NCAPD3: variants seen among roughly 807,000 people sequenced by gnomAD.
The protein encoded by NCAPD3 is condensin-2 complex subunit D3.
A neutral mutation model predicts 182.9 loss-of-function variants in NCAPD3; 105 were observed. The ratio of observed to expected loss-of-function variants is 0.57; its 90% CI spans 0.49 to 0.68. The LOEUF (loss-of-function observed/expected upper bound fraction) is 0.68, where lower values mean the gene tolerates loss of function less well. Ranked by LOEUF, NCAPD3 falls within the 30% of genes least tolerant of loss-of-function variation. The pLI is 0.00. For missense variants in NCAPD3, 1,944 were observed against 1,837.0 expected, an observed-to-expected ratio of 1.06 and a Z score of -1.07; for synonymous variants, 815 against 679.9, an observed-to-expected ratio of 1.20 and a Z score of -3.09.
At chr11:134,193,615 T>A (rs1944567224) in intron 15 of NCAPD3, among the ~76,000 whole-genome samples, 1 of 152,194 alleles carries the variant, frequency 6.6e-6, no homozygotes, top group Admixed American at 6.5e-5. Context: ...TAGCCAGGCA[T>A]GGCAGCACCT....
intron 16 of NCAPD3, 93 bp downstream of exon 16, chr11:134,192,596 A>C: frequency 8.4e-6 from 9 of 1,071,604 alleles, no homozygotes; most frequent in Middle Eastern, 5.3e-4. Flanking sequence ...TAATCTGGAA[A>C]GCTGATTTTT....
chr11:134,176,116 T>C (rs1944156514), intron 24 of NCAPD3, among the ~76,000 whole-genome samples, 191 bp downstream of exon 24: 2 of 152,168 alleles, frequency 1.3e-5, no homozygotes, highest in Admixed American at 1.3e-4. Flanking sequence ...ACCATTTTCT[T>C]TTAAACTTGT....
intron 1 of NCAPD3, chr11:134,223,353 T>C: frequency 1.4e-6 from 1 of 691,946 alleles, no homozygotes. Flanking sequence ...GTAGTGGGCA[T>C]GAAAGGGGAA....
At chr11:134,169,560 C>A (rs922056159) in intron 24 of NCAPD3, among the ~76,000 whole-genome samples, 6 of 152,186 alleles carry the variant, frequency 3.9e-5, no homozygotes, top group Non-Finnish European at 8.8e-5. Context: ...CAGTTTGGAT[C>A]AGGAGGACAA....
At chr11:134,179,027 T>A (rs1211992588) in intron 20 of NCAPD3, 91 bp from the exon 21 acceptor site, 1 of 812,160 alleles carries the variant, frequency 1.2e-6, no homozygotes, top group African/African-American at 1.7e-5. Flanking sequence ...GTATTTCCTT[T>A]ATCCCCCAAA....
rs1944593453 is a variant in NCAPD3, at chr11:134,194,822, T to C, written c.1616-84A>G. The C allele has an allele frequency of 4.9e-5, 42 of 850,478 alleles. No homozygotes were observed. The South Asian group carries it at 6.6e-4, about 13-fold the overall frequency. The allele number at this position is 850,478 out of a possible 1,614,324, so 52.7% of individuals were successfully genotyped here. On this transcript the variant is annotated intron_variant, in intron 13 of 34. Coordinates refer to ENST00000534548, the MANE Select transcript of NCAPD3 (RefSeq NM_015261.3). ...ATTTCACCACACAATACCCAGAAAATACACTCATCTTAAAGACTCATTAGC... is the reference window on the plus strand; with the variant it reads ...ATTTCACCACACAATACCCAGAAAACACACTCATCTTAAAGACTCATTAGC...
At chr11:134,183,218 A>T in intron 19 of NCAPD3, 1 of 454,758 alleles carries the variant, frequency 2.2e-6, no homozygotes, top group Middle Eastern at 3.3e-4. Flanking sequence ...TGCCGGTAGT[A>T]AGTTGTGTAC....
chr11:134,224,007 A>C, upstream of NCAPD3: 1 of 1,516,020 alleles, frequency 6.6e-7, no homozygotes, highest in Non-Finnish European at 9.0e-7. Context: ...GTTCCTGTGG[A>C]CCAATCACAA....
At chr11:134,161,746 GACA>G (rs761283764) in intron 28 of NCAPD3, 32 bp downstream of exon 28, 14 of 1,262,548 alleles carry the variant, frequency 1.1e-5, no homozygotes, top group African/African-American at 5.9e-5. Context: ...GAACTGGTAG[GACA>G]ACAACCACAA....
intron 15 of NCAPD3, among the ~76,000 whole-genome samples, chr11:134,193,336 T>C (rs1013949272): frequency 1.3e-5 from 2 of 152,242 alleles, no homozygotes; most frequent in Non-Finnish European, 2.9e-5. Context: ...AAATTAAATA[T>C]AGTACTTGTG....
Position 134,201,736 on chromosome 11 carries a change from G to A in NCAPD3, c.1615+1080C>T, listed in dbSNP as rs112023787. On this transcript the variant is annotated intron_variant, in intron 13 of 34. Coordinates refer to ENST00000534548, the MANE Select transcript of NCAPD3 (RefSeq NM_015261.3). ...ATTGCTTGAAAAAGTCTGTGCCACC[G>A]TAAATCCGTAACCTGTTTAGACGAA... Among the ~76,000 whole-genome samples the A allele has an allele frequency of 4.9e-3, 753 of 152,264 alleles. 1 individual carries two copies. The highest frequency in any genetic ancestry group is 5.9e-3 in the Non-Finnish European group (404 of 68,016).
chr11:134,195,235 G>A (rs912348806), intron 13 of NCAPD3, among the ~76,000 whole-genome samples: 1 of 151,680 alleles, frequency 6.6e-6, no homozygotes. Flanking sequence ...CAAGTAGCTA[G>A]GAATACAGGC....
chr11:134,203,359 G>A (rs764964590), intron 11 of NCAPD3, among the ~76,000 whole-genome samples, 161 bp from the exon 12 acceptor site: 11 of 152,248 alleles, frequency 7.2e-5, no homozygotes, highest in South Asian at 2.1e-4. Flanking sequence ...GCATTGAAAC[G>A]GAGATTCATC....
At chr11:134,224,138 A>G (rs1938358455), upstream of NCAPD3, 1 of 616,324 alleles carries the variant, frequency 1.6e-6, no homozygotes, top group Non-Finnish European at 2.9e-6. Context: ...GAAGCCAAAC[A>G]AGGCTCCTGC....
At chr11:134,208,841 A>C (rs759407838) in intron 7 of NCAPD3, 23 bp downstream of exon 7, 2 of 1,564,632 alleles carry the variant, frequency 1.3e-6, no homozygotes, top group African/African-American at 2.7e-5. Context: ...CTAGTAACCA[A>C]ATTAGGTTCT....
In NCAPD3 at chr11:134,177,378, G is replaced by A. The variant is rs140066669; in HGVS notation, c.2862C>T (p.Asp954=). The change falls in exon 23 of 35, where the codon GAC becomes GAT. Residue 954 remains aspartate, a synonymous_variant. Coordinates refer to ENST00000534548, the MANE Select transcript of NCAPD3 (RefSeq NM_015261.3). ...ALVRELEVCE[D]VAVRNNVIIV... ...TGATGACGTTGTTGCGGACAGCCAC[G>A]TCCTCACACACCTCGAGCTCTCGCA... The A allele has an allele frequency of 7.1e-5, 114 of 1,614,112 alleles. No homozygotes were observed. The highest frequency in any genetic ancestry group is 8.6e-5 in the Non-Finnish European group (101 of 1,180,056).
In NCAPD3 at chr11:134,159,139, C is replaced by T. The variant is rs12294320; in HGVS notation, c.3868-644G>A. On this transcript the variant is annotated intron_variant, in intron 29 of 34. Coordinates refer to ENST00000534548, the MANE Select transcript of NCAPD3 (RefSeq NM_015261.3). ...AATAAACATGGGAGTGCAGGTATGT[C>T]TTCGACATCCTGATTTCCTTTCTTT... 8.5e-3 allele frequency among the ~76,000 whole-genome samples: 1,298 copies of T among 152,310 alleles called. 4 individuals carry two copies. The highest frequency in any genetic ancestry group is 0.014 in the Non-Finnish European group (925 of 68,026).
At chr11:134,177,108 T>A in intron 23 of NCAPD3, 111 bp downstream of exon 23, 1 of 821,616 alleles carries the variant, frequency 1.2e-6, no homozygotes, top group Non-Finnish European at 2.0e-6. Flanking sequence ...GATGAGACAA[T>A]TATTTTTGGA....
chr11:134,165,716 T>A (rs1322052516), intron 27 of NCAPD3, among the ~76,000 whole-genome samples: 1 of 116,054 alleles, frequency 8.6e-6, no homozygotes, highest in Non-Finnish European at 1.8e-5. Context: ...CGCACACTCG[T>A]GAGATGAGCT....
Sources: allele counts gnomAD v4.1 joint callset (sites outside exome capture counted in the v4.1 genomes callset), GRCh38; gene constraint gnomAD v4.1.1; transcripts MANE v1.5; gene names NCBI Gene and HGNC (gene_info 2026-07-23, HGNC 2026-07-21).